Variants in PCDHA6 observed in about 807,000 individuals in gnomAD.
PCDHA6 encodes protocadherin alpha-6.
PCDHA6 carries 55 observed loss-of-function variants against 60.3 expected under a neutral mutation model. The observed-to-expected ratio is 0.91, with a 90% CI of 0.73 to 1.14. The LOEUF is 1.14. Among genes scored for constraint, PCDHA6 ranks in the 50% most tolerant of loss-of-function variants. The pLI, the probability that PCDHA6 is intolerant of heterozygous loss-of-function variation, is 0.00. For missense variants in PCDHA6, 1,327 were observed against 1,256.5 expected (o/e 1.06, Z -0.85); for synonymous variants, 652 against 557.9 (o/e 1.17, Z -2.38).
chr5:140,945,709 G>T (rs1033770128), intron 1 of PCDHA6, among the ~76,000 whole-genome samples: 1 of 151,930 alleles, frequency 6.6e-6, no homozygotes. Flanking sequence ...TGCAACAAAA[G>T]TATCAAGAAT....
intron 1 of PCDHA6, chr5:140,842,933 C>T (rs1356851691): frequency 6.3e-7 from 1 of 1,594,540 alleles, no homozygotes. Flanking sequence ...GGTGAGCGCG[C>T]GCGACGCGGG....
At chr5:140,947,374 T>C (rs1252253428) in intron 1 of PCDHA6, among the ~76,000 whole-genome samples, 7 of 151,768 alleles carry the variant, frequency 4.6e-5, no homozygotes, top group Admixed American at 4.6e-4. Context: ...TTGATCTATA[T>C]GTTTATCCTT....
At chr5:140,854,572 C>T (rs2043163133) in intron 1 of PCDHA6, 2 of 149,770 alleles carry the variant, frequency 1.3e-5, no homozygotes, top group South Asian at 4.2e-4. Context: ...CTCTGTCATT[C>T]AGATTTTAAT....
At chr5:140,858,403 A>T (rs1554151554) in intron 1 of PCDHA6, 1 of 1,569,204 alleles carries the variant, frequency 6.4e-7, no homozygotes. Context: ...TGGACGGGGA[A>T]GATCAGTCTA....
At chr5:140,876,970 G>A in intron 1 of PCDHA6, 4 of 1,612,850 alleles carry the variant, frequency 2.5e-6, no homozygotes, top group Non-Finnish European at 3.4e-6. Flanking sequence ...GCGGCGGGTG[G>A]GCGAGCACGC....
At position 140,835,793 on chromosome 5, in the gene PCDHA6, G is replaced by A. The variant is rs17844310; in HGVS notation, c.2394+5308G>A. The A allele has an allele frequency of 5.6e-5, 90 of 1,613,102 alleles. 1 individual carries two copies. The East Asian group carries it at 1.8e-3, about 33-fold the overall frequency. On this transcript the variant is annotated intron_variant, in intron 1 of 3. Transcript: ENST00000529310. ...TGTTCGTGAAGGAGAACAACCCGCC[G>A]GGCTGCCACATCTTCACTGTGTCGG... is the stretch of plus-strand genomic sequence containing the variant.
At chr5:140,969,045 CCAA>C in intron 1 of PCDHA6, 4 of 1,614,090 alleles carry the variant, frequency 2.5e-6, no homozygotes, top group Non-Finnish European at 3.4e-6. Flanking sequence ...TACAAACAAG[CCAA>C]CAACAATATT....
In PCDHA6 at chr5:140,828,703, A is replaced by C. The variant is rs1438120324; in HGVS notation, c.612A>C (p.Glu204Asp). The stretch of plus-strand genomic sequence containing the variant: ...TAAAGAAATCCTTGGACAGAGAGGA[A>C]GCTCCTGCACACAACTTATTCCTGA... ...LLLKKSLDRE[E>D]APAHNLFLTA... The change falls in exon 1 of 4, where the codon GAA becomes GAC. Residue 204 changes from glutamate to aspartate, a missense_variant. Coordinates refer to ENST00000529310, the MANE Select transcript of PCDHA6 (RefSeq NM_018909.4). The C allele has an allele frequency of 1.3e-5, 21 of 1,614,248 alleles. 1 individual carries two copies. The African/African-American group carries it at 1.6e-4, about 12-fold the overall frequency.
chr5:140,841,365 T>C (rs1238477201), intron 1 of PCDHA6: 13 of 1,613,134 alleles, frequency 8.1e-6, no homozygotes, highest in Non-Finnish European at 1.1e-5. Context: ...TGGCGACTAC[T>C]ACTCTTGCTT....
At chr5:140,981,342 G>A (rs2096927846) in intron 2 of PCDHA6, among the ~76,000 whole-genome samples, 1 of 152,176 alleles carries the variant, frequency 6.6e-6, no homozygotes, top group African/African-American at 2.4e-5. Flanking sequence ...GGGAGGGTGA[G>A]GCAGGTGGAT....
intron 1 of PCDHA6, chr5:140,858,108 C>A (rs781859966): frequency 3.1e-6 from 5 of 1,597,590 alleles, no homozygotes; most frequent in Non-Finnish European, 4.3e-6. Context: ...GGCGTGGCGC[C>A]CGAGGTGGCC....
At chr5:140,967,815 A>G in intron 1 of PCDHA6, 1 of 1,614,180 alleles carries the variant, frequency 6.2e-7, no homozygotes. Context: ...GGTCACTGCA[A>G]GGTGCTGGTG....
At chr5:141,008,512 C>A (rs1006553111) in intron 3 of PCDHA6, among the ~76,000 whole-genome samples, 2 of 152,094 alleles carry the variant, frequency 1.3e-5, no homozygotes, top group Non-Finnish European at 2.9e-5. Context: ...GGTGTGTCTT[C>A]CAATCAGACT....
At position 140,870,679 on chromosome 5, in the gene PCDHA6, G is replaced by C. The variant is rs202117527; in HGVS notation, c.2394+40194G>C. ...CGCGCTGCAGCCGTTGGACCACGAG[G>C]AGCTGGAGCTGCTACAGTTCCAGGT... On this transcript the variant is annotated intron_variant, in intron 1 of 3. Coordinates refer to ENST00000529310, the MANE Select transcript of PCDHA6 (RefSeq NM_018909.4). 1.0e-4 allele frequency: 164 copies of C among 1,612,742 alleles called. No individual in the cohort carries two copies. The African/African-American group carries it at 1.9e-3, about 19-fold the overall frequency.
intron 1 of PCDHA6, among the ~76,000 whole-genome samples, chr5:140,919,657 A>G (rs1341455821): frequency 3.9e-5 from 6 of 152,258 alleles, no homozygotes; most frequent in Non-Finnish European, 8.8e-5. Flanking sequence ...AGTTTACCAT[A>G]TATATTTTAG....
chr5:140,926,526 C>G (rs2083305621), intron 1 of PCDHA6: 1 of 209,510 alleles, frequency 4.8e-6, no homozygotes, highest in Non-Finnish European at 9.3e-6. Flanking sequence ...GCCCTGCGCC[C>G]GCAGCCAGCG....
chr5:140,904,873 G>C (rs1309196167), intron 1 of PCDHA6, among the ~76,000 whole-genome samples: 1 of 151,932 alleles, frequency 6.6e-6, no homozygotes, highest in Non-Finnish European at 1.5e-5. Flanking sequence ...TATGTCCTTA[G>C]CTCACTTTTT....
intron 1 of PCDHA6, among the ~76,000 whole-genome samples, chr5:140,905,490 T>C (rs1256863992): frequency 1.3e-5 from 2 of 152,224 alleles, no homozygotes; most frequent in African/African-American, 4.8e-5. Context: ...TTTCTTCTTT[T>C]TGTTTTGTAT....
At chr5:140,857,215 G>A in intron 1 of PCDHA6, 1 of 1,598,474 alleles carries the variant, frequency 6.3e-7, no homozygotes. Flanking sequence ...GCTCTCTGAC[G>A]CCTCACGTTC....
Sources: gnomAD v4.1 joint callset for allele counts (sites outside exome capture counted in the v4.1 genomes callset) on GRCh38, gnomAD v4.1.1 for gene constraint, MANE v1.5 for transcripts, NCBI Gene and HGNC (gene_info 2026-07-23, HGNC 2026-07-21) for gene names.